Variants in KDM4B observed in about 807,000 individuals in gnomAD.
KDM4B encodes lysine demethylase 4B.
KDM4B carries 32 observed loss-of-function variants against 125.2 expected under a neutral mutation model. That is an observed-to-expected ratio of 0.26 (90% confidence interval 0.19 to 0.34). The LOEUF is 0.34. Among genes scored for constraint, KDM4B ranks in the 10% least tolerant of loss-of-function variants. The pLI is 1.00. For missense variants in KDM4B, 1,190 were observed against 1,577.7 expected, an observed-to-expected ratio of 0.75 and a Z score of 4.16; for synonymous variants, 721 against 677.9, an observed-to-expected ratio of 1.06 and a Z score of -0.99.
At chr19:4,982,638 A>G (rs1403973362) in intron 1 of KDM4B, among the ~76,000 whole-genome samples, 7 of 148,034 alleles carry the variant, frequency 4.7e-5, no homozygotes, top group Non-Finnish European at 1.0e-4. Flanking sequence ...TTTGTGGCGG[A>G]GTCTCACTGT....
At position 5,059,588 on chromosome 19, in the gene KDM4B, C is replaced by T. The variant is rs1440179460; in HGVS notation, c.627-11422C>T. Reference sequence around the variant, plus strand: ...GACTTAGGTCATAGGAACAGGAGCGCGTAGCCTCATGGCCATCGGCCTGTG... The same window carrying T: ...GACTTAGGTCATAGGAACAGGAGCGTGTAGCCTCATGGCCATCGGCCTGTG... On this transcript the variant is annotated intron_variant, in intron 6 of 22. Transcript: ENST00000159111. Among the ~76,000 whole-genome samples the T allele has an allele frequency of 3.2e-4, 48 of 152,220 alleles. 1 individual carries two copies. Among genetic ancestry groups the T allele is most frequent in the Admixed American group, 1.3e-4 (2 of 15,290 alleles).
chr19:5,117,440 C>T lies in KDM4B; in HGVS notation c.1116-2213C>T, dbSNP rs563710574. Among the ~76,000 whole-genome samples the T allele has an allele frequency of 5.7e-4, 87 of 152,192 alleles. 2 individuals carry two copies. The highest frequency in any genetic ancestry group is 2.0e-3 in the African/African-American group (82 of 41,516). On this transcript the variant is annotated intron_variant, in intron 10 of 22. Transcript: ENST00000159111. ...CTGCTGGTGCTGTCTGGGACCAGGG[C>T]GGGTCCACTGTGGGATCCCGGCCCT...
chr19:4,985,896 C>T (rs1004963250), intron 1 of KDM4B, among the ~76,000 whole-genome samples: 26 of 152,314 alleles, frequency 1.7e-4, no homozygotes, highest in Admixed American at 7.8e-4. Flanking sequence ...GAAGCCTCCC[C>T]GGCGCCCAGC....
chr19:5,118,920 C>T (rs974293882), intron 10 of KDM4B, among the ~76,000 whole-genome samples: 7 of 152,150 alleles, frequency 4.6e-5, no homozygotes, highest in African/African-American at 9.7e-5. Context: ...GGGCTCAGGG[C>T]GCAGAGGAGG....
chr19:5,063,565 G>C (rs967407868), intron 6 of KDM4B, among the ~76,000 whole-genome samples: 11 of 152,198 alleles, frequency 7.2e-5, no homozygotes, highest in Admixed American at 5.9e-4. Context: ...GGTGGGGCCT[G>C]TGTTGACTTG....
chr19:5,019,427 TTGG>T (rs2036007889), intron 2 of KDM4B, among the ~76,000 whole-genome samples: 1 of 142,274 alleles, frequency 7.0e-6, no homozygotes, highest in Non-Finnish European at 1.5e-5. Flanking sequence ...GGTGTGGACG[TTGG>T]TGTGCGGGTG....
intron 21 of KDM4B, among the ~76,000 whole-genome samples, chr19:5,146,951 A>AC (rs1555722958): frequency 6.6e-6 from 1 of 150,602 alleles, no homozygotes; most frequent in Non-Finnish European, 1.5e-5. Context: ...AAAAAAAAAA[A>AC]AAAAAAAAAA....
At position 5,153,595 on chromosome 19, in the gene KDM4B, G is replaced by A. The variant is rs11514; in HGVS notation, c.*2084G>A. 0.2 allele frequency: 30,200 copies of A among 152,202 alleles called. 3,047 individuals carry two copies. Among genetic ancestry groups the A allele is most frequent in the Admixed American group, 0.23 (3,470 of 15,288 alleles). The allele number at this position is 152,202 out of a possible 1,614,324, so 9.4% of individuals were successfully genotyped here. A position where few individuals can be genotyped will look rare whatever the true frequency, so the allele number is the denominator to read the frequency against. On this transcript the variant is annotated 3_prime_UTR_variant, in exon 23 of 23. Coordinates refer to ENST00000159111, the MANE Select transcript of KDM4B (RefSeq NM_015015.3). The stretch of plus-strand genomic sequence containing the variant: ...TGAATTAAAGGTTCATGAACGCTGC[G>A]AAACCCCGTTCCATGCCCCGGCAAG...
chr19:5,012,668 C>G lies in KDM4B; in HGVS notation c.-108-3589C>G, dbSNP rs370563531. On this transcript the variant is annotated intron_variant, in intron 1 of 22. Coordinates refer to ENST00000159111, the MANE Select transcript of KDM4B (RefSeq NM_015015.3). The stretch of plus-strand genomic sequence containing the variant: ...GGGTGTGTCTGGCATTTTGCTCAGG[C>G]TGGCACGCGGTGGAGGCTGTTGGGA... Among the ~76,000 whole-genome samples, 5 of 152,324 alleles carry G rather than the reference C, an allele frequency of 3.3e-5. No individual in the cohort carries two copies. In the East Asian group the frequency reaches 9.6e-4, roughly 29 times the overall value.
At position 4,971,647 on chromosome 19, in the gene KDM4B, T is replaced by C. The variant is rs750044943; in HGVS notation, c.-109+2417T>C. On this transcript the variant is annotated intron_variant, in intron 1 of 22. Transcript: ENST00000159111. The surrounding 1 kb of genome is among the most constrained non-coding windows in gnomAD (Gnocchi z 4.1). ...GTCCCTGGCTCCTGTGGGTTTAGAG[T>C]GTAGTGGGGGAAAGGGTGAGCTGGC... 6.6e-6 allele frequency among the ~76,000 whole-genome samples: 1 copy of C among 150,476 alleles called. No homozygotes were observed. Among genetic ancestry groups the C allele is most frequent in the Non-Finnish European group, 1.5e-5 (1 of 67,632 alleles).
chr19:5,150,580 T>TC, intron 22 of KDM4B, 130 bp downstream of exon 22: 1 of 654,986 alleles, frequency 1.5e-6, no homozygotes, highest in Non-Finnish European at 2.6e-6. Context: ...TGGAAGGGGG[T>TC]CCCGGCCGCC....
rs1389430943 is a variant in KDM4B, at chr19:5,078,937, C to A, written c.780+1467C>A. ...CCCTGTCCCACTGCAGCGAACAGCA[C>A]CCTGTGCCGCCCGGCCTGGGGACCG... On this transcript the variant is annotated intron_variant, in intron 8 of 22. Coordinates refer to ENST00000159111, the MANE Select transcript of KDM4B (RefSeq NM_015015.3). This position sits in a 1 kb window ranked among gnomAD's most constrained non-coding sequence, Gnocchi z 4.5. 1.3e-5 allele frequency: 2 copies of A among 152,162 alleles called. No homozygotes were observed. The highest frequency in any genetic ancestry group is 4.8e-5 in the African/African-American group (2 of 41,442). 9.4% of individuals were successfully genotyped at this position (152,162 alleles called of 1,614,324 possible).
chr19:5,127,565 G>C (rs1008489249), intron 11 of KDM4B, among the ~76,000 whole-genome samples: 1 of 152,192 alleles, frequency 6.6e-6, no homozygotes, highest in Non-Finnish European at 1.5e-5. Flanking sequence ...TCTCCAGACA[G>C]GGGATGGGGT....
rs1040247594 is a variant in KDM4B, at chr19:5,082,925, T to A, written c.918+421T>A. ...GTTGGGTTGTTTGCTGACATCTCTC[T>A]CCTGGGGGCCGCTTGGCCAGGCAGG... is the stretch of plus-strand genomic sequence containing the variant. On this transcript the variant is annotated intron_variant, in intron 9 of 22. Coordinates refer to ENST00000159111, the MANE Select transcript of KDM4B (RefSeq NM_015015.3). The surrounding 1 kb of genome is among the most constrained non-coding windows in gnomAD (Gnocchi z 5.4). 6.6e-5 allele frequency among the ~76,000 whole-genome samples: 10 copies of A among 152,142 alleles called. No individual in the cohort carries two copies. Among genetic ancestry groups the A allele is most frequent in the Non-Finnish European group, 1.0e-4 (7 of 68,012 alleles).
chr19:5,038,630 G>A (rs1312776280), intron 3 of KDM4B, among the ~76,000 whole-genome samples: 1 of 152,246 alleles, frequency 6.6e-6, no homozygotes, highest in Non-Finnish European at 1.5e-5. Flanking sequence ...GGAAGTCCAC[G>A]TGGCCGCCAG....
chr19:5,021,850 G>C (rs1396448446), intron 2 of KDM4B, among the ~76,000 whole-genome samples: 1 of 152,010 alleles, frequency 6.6e-6, no homozygotes, highest in Non-Finnish European at 1.5e-5. Flanking sequence ...TGGCCAGGAT[G>C]GTCTTGATCT....
intron 11 of KDM4B, among the ~76,000 whole-genome samples, chr19:5,123,186 G>A (rs902564201): frequency 2.6e-5 from 4 of 152,366 alleles, no homozygotes; most frequent in African/African-American, 9.6e-5. Flanking sequence ...TCTCGGACAC[G>A]ACCTCGCGTG....
intron 1 of KDM4B, among the ~76,000 whole-genome samples, chr19:4,970,925 C>T (rs62112544): frequency 2.0e-5 from 3 of 152,044 alleles, no homozygotes; most frequent in African/African-American, 4.8e-5. Context: ...CTTGAGCCGG[C>T]GACACCAGGA....
intron 1 of KDM4B, among the ~76,000 whole-genome samples, chr19:4,986,217 CA>C (rs2034826524): frequency 1.3e-5 from 2 of 152,308 alleles, no homozygotes; most frequent in East Asian, 3.9e-4. Flanking sequence ...TGCGGCCTCA[CA>C]GGGGCTTCAC....
Sources: gnomAD v4.1 joint callset for allele counts (sites outside exome capture counted in the v4.1 genomes callset) on GRCh38, gnomAD v4.1.1 for gene constraint, Gnocchi (gnomAD v3.1) non-coding constraint, MANE v1.5 for transcripts, NCBI Gene and HGNC (gene_info 2026-07-23, HGNC 2026-07-21) for gene names.